The following NCOA1 variants were observed in gnomAD, a reference collection of about 807,000 sequenced individuals.
NCOA1 encodes nuclear receptor coactivator 1, also known as Hin-2 protein.
Under a neutral mutation model 150.9 loss-of-function variants are expected in NCOA1, and 35 were observed. That is an observed-to-expected ratio of 0.23 (90% CI 0.18 to 0.31). The LOEUF (loss-of-function observed/expected upper bound fraction) is 0.31, where lower values mean the gene tolerates loss of function less well. Ranked by LOEUF, NCOA1 falls within the 10% of genes least tolerant of loss-of-function variation. The pLI is 1.00. For synonymous variants in NCOA1, 590 were observed against 630.0 expected (o/e 0.94, Z 0.95); for missense variants, 1,491 against 1,749.3 (o/e 0.85, Z 2.63).
At chr2:24,498,467 C>G (rs1470996610) in intron 1 of NCOA1, among the ~76,000 whole-genome samples, 1 of 152,078 alleles carries the variant, frequency 6.6e-6, no homozygotes, top group East Asian at 1.9e-4. Context: ...TTTGAACATT[C>G]AGGGAGAGGG....
intron 14 of NCOA1, among the ~76,000 whole-genome samples, chr2:24,726,317 G>A (rs944998530): frequency 2.6e-5 from 4 of 152,066 alleles, no homozygotes; most frequent in African/African-American, 9.7e-5. Context: ...AATAATTTCT[G>A]ACAAAGTCCT....
intron 3 of NCOA1, among the ~76,000 whole-genome samples, chr2:24,605,426 C>T (rs1195759652): frequency 6.6e-6 from 1 of 152,144 alleles, no homozygotes; most frequent in Non-Finnish European, 1.5e-5. Context: ...TTATGTTGCT[C>T]TGTAGAACAT....
intron 1 of NCOA1, among the ~76,000 whole-genome samples, chr2:24,560,254 T>C (rs1204153563): frequency 6.6e-6 from 1 of 152,186 alleles, no homozygotes; most frequent in East Asian, 1.9e-4. Flanking sequence ...TGTTGTATAG[T>C]GGCCACTTCT....
chr2:24,583,863 G>A (rs1055488735), intron 2 of NCOA1, among the ~76,000 whole-genome samples: 7 of 152,148 alleles, frequency 4.6e-5, no homozygotes, highest in African/African-American at 1.7e-4. Context: ...TATAAGTAGA[G>A]AGATAATTGT....
intron 14 of NCOA1, among the ~76,000 whole-genome samples, chr2:24,715,232 G>A (rs1221897928): frequency 1.3e-5 from 2 of 152,118 alleles, no homozygotes; most frequent in African/African-American, 2.4e-5. Context: ...ATAAGTAAAG[G>A]TATGAATAAA....
chr2:24,535,298 G>A (rs959964992), intron 1 of NCOA1, among the ~76,000 whole-genome samples: 2 of 151,618 alleles, frequency 1.3e-5, no homozygotes, highest in Admixed American at 1.3e-4. Flanking sequence ...CTTTCCATTT[G>A]CTTGGTAGAT....
At chr2:24,722,725 G>A (rs1233500969) in intron 14 of NCOA1, among the ~76,000 whole-genome samples, 2 of 151,716 alleles carry the variant, frequency 1.3e-5, no homozygotes, top group Admixed American at 6.6e-5. Context: ...CAAAAATATT[G>A]TATAACTATA....
At chr2:24,492,424 G>T (rs1663013255) in intron 1 of NCOA1, among the ~76,000 whole-genome samples, 1 of 152,156 alleles carries the variant, frequency 6.6e-6, no homozygotes, top group African/African-American at 2.4e-5. Flanking sequence ...TGTGGTGGCT[G>T]CTTTTTTATT....
chr2:24,680,578 G>T (rs944914581), intron 7 of NCOA1, among the ~76,000 whole-genome samples: 2 of 152,128 alleles, frequency 1.3e-5, no homozygotes, highest in African/African-American at 4.8e-5. Flanking sequence ...TGAAGGGTTG[G>T]GGGGATTGGA....
chr2:24,728,352 C>T lies in NCOA1; in HGVS notation c.2762C>T (p.Thr921Ile). ...SQLDELLCPP[T>I]TVEGRNDEKA... ...TTAGATGAGCTTCTCTGTCCACCCA[C>T]AACAGTAGAAGGGAGAAATGATGAG... is the stretch of plus-strand genomic sequence containing the variant. Residue 921 changes from threonine to isoleucine, a missense_variant, in exon 16 of 23, where the codon ACA becomes ATA. Thr to Ile is a moderately conservative substitution (Grantham distance 89). This residue lies in a region of NCOA1 where 703 missense variants were observed against 717.7 expected (regional missense o/e 0.98). Coordinates refer to ENST00000348332, the MANE Select transcript of NCOA1 (RefSeq NM_003743.5). 1 of 1,613,602 alleles carries T rather than the reference C, an allele frequency of 6.2e-7. No individual in the cohort carries two copies. Among genetic ancestry groups the T allele is most frequent in the Admixed American group, 1.7e-5 (1 of 59,996 alleles).
chr2:24,606,070 T>G (rs1668348487), intron 3 of NCOA1, among the ~76,000 whole-genome samples: 1 of 152,150 alleles, frequency 6.6e-6, no homozygotes, highest in Non-Finnish European at 1.5e-5. Context: ...GCAAGGAGGT[T>G]CTCTTTAAGA....
At chr2:24,546,343 T>C (rs901396486) in intron 1 of NCOA1, among the ~76,000 whole-genome samples, 3 of 152,224 alleles carry the variant, frequency 2.0e-5, no homozygotes, top group Non-Finnish European at 2.9e-5. Context: ...CCACATCATC[T>C]TAGTCTCCTC....
chr2:24,639,940 A>G (rs866932492), intron 3 of NCOA1, among the ~76,000 whole-genome samples: 944 of 33,818 alleles, frequency 0.028, 108 homozygotes, highest in Middle Eastern at 0.11. Context: ...ATATATATAT[A>G]TATATATATA....
intron 22 of NCOA1, among the ~76,000 whole-genome samples, chr2:24,765,448 G>A (rs892461667): frequency 8.6e-5 from 13 of 151,266 alleles, no homozygotes; most frequent in South Asian, 2.1e-4. Flanking sequence ...GCAGTGAGCC[G>A]AGATCGTGCC....
chr2:24,523,646 G>C (rs1437203952), intron 1 of NCOA1, among the ~76,000 whole-genome samples: 1 of 103,048 alleles, frequency 9.7e-6, no homozygotes, highest in Non-Finnish European at 2.1e-5. Flanking sequence ...TGGGCTTTTT[G>C]GCCAGCCACG....
intron 1 of NCOA1, among the ~76,000 whole-genome samples, chr2:24,493,285 ATTTC>A (rs1006865042): frequency 3.3e-5 from 5 of 152,026 alleles, no homozygotes; most frequent in African/African-American, 1.2e-4. Flanking sequence ...AATGTTTTAT[ATTTC>A]TTCTTCAGAC....
At chr2:24,706,505 C>T (rs576414124) in intron 12 of NCOA1, 63 bp from the exon 13 acceptor site, 213 of 1,475,902 alleles carry the variant, frequency 1.4e-4, no homozygotes, top group Non-Finnish European at 1.6e-4. Flanking sequence ...GAATATGTAT[C>T]ATAAAAATAT....
chr2:24,547,960 G>A (rs1254347712), intron 1 of NCOA1, among the ~76,000 whole-genome samples: 2 of 122,916 alleles, frequency 1.6e-5, no homozygotes, highest in African/African-American at 6.1e-5. Flanking sequence ...CTGAACTCCA[G>A]CCTGGGCAAC....
intron 5 of NCOA1, among the ~76,000 whole-genome samples, chr2:24,661,174 T>TA: frequency 3.3e-5 from 5 of 152,346 alleles, no homozygotes; most frequent in Admixed American, 3.3e-4. Flanking sequence ...CCCACATTCT[T>TA]ACTATCACTG....
Sources: gnomAD v4.1 joint callset for allele counts (sites outside exome capture counted in the v4.1 genomes callset) on GRCh38, gnomAD v4.1.1 for gene constraint, gnomAD v4.1.1 regional missense constraint, MANE v1.5 for transcripts, NCBI Gene and HGNC (gene_info 2026-07-23, HGNC 2026-07-21) for gene names.